The following VSTM5 variants were observed in gnomAD, a reference collection of about 807,000 sequenced individuals.
VSTM5 encodes the protein V-set and transmembrane domain containing 5, also known as V-set and transmembrane domain-containing protein 5.
A neutral mutation model predicts 20.3 loss-of-function variants in VSTM5; 21 were observed. The observed-to-expected ratio is 1.03, with a 90% CI of 0.73 to 1.49. The LOEUF is 1.49. VSTM5 is among the 40% of genes most tolerant of loss of function. The pLI is 0.00. For missense variants in VSTM5, 219 were observed against 250.0 expected, an observed-to-expected ratio of 0.88 and a Z score of 0.84; for synonymous variants, 100 against 102.5, an observed-to-expected ratio of 0.98 and a Z score of 0.14.
intron 1 of VSTM5, among the ~76,000 whole-genome samples, chr11:93,824,224 AT>A (rs1008313218): frequency 4.0e-4 from 61 of 152,050 alleles, no homozygotes; most frequent in African/African-American, 1.4e-3. Flanking sequence ...TCTATTTTTA[AT>A]TTTTTTGAGG....
Position 93,847,233 on chromosome 11 carries a change from T to C in VSTM5, c.91+3179A>G, listed in dbSNP as rs567027190. Reference sequence around the variant, plus strand: ...GATCAGTGCACGGCCCACGGCAACATAGTAGGTGCTTCTAAGATGTTTGCC... The same window carrying C: ...GATCAGTGCACGGCCCACGGCAACACAGTAGGTGCTTCTAAGATGTTTGCC... On this transcript the variant is annotated intron_variant, in intron 1 of 3. Transcript: ENST00000409977. Among the ~76,000 whole-genome samples the C allele has an allele frequency of 3.3e-5, 5 of 152,322 alleles. No homozygotes were observed. In the East Asian group the frequency reaches 9.6e-4, roughly 29 times the overall value.
intron 1 of VSTM5, among the ~76,000 whole-genome samples, chr11:93,838,455 T>A: frequency 7.0e-6 from 1 of 142,734 alleles, no homozygotes. Flanking sequence ...CTGGGCGACA[T>A]AGCCAGACTC....
At chr11:93,838,902 A>T (rs1450229040) in intron 1 of VSTM5, among the ~76,000 whole-genome samples, 1 of 152,258 alleles carries the variant, frequency 6.6e-6, no homozygotes, top group African/African-American at 2.4e-5. Flanking sequence ...AAGAGAATTC[A>T]GTCTCCTTCC....
At chr11:93,837,022 C>CACACAT (rs1214799850) in intron 1 of VSTM5, among the ~76,000 whole-genome samples, 2 of 150,746 alleles carry the variant, frequency 1.3e-5, no homozygotes, top group Non-Finnish European at 3.0e-5. Context: ...CACACACACA[C>CACACAT]ACACACACAC....
At chr11:93,844,868 C>T (rs2135740182) in intron 1 of VSTM5, among the ~76,000 whole-genome samples, 1 of 66,722 alleles carries the variant, frequency 1.5e-5, no homozygotes, top group Admixed American at 1.3e-4. Context: ...CAAGCTGTTC[C>T]AGGCACAGTG....
chr11:93,827,120 A>C (rs1944244886), intron 1 of VSTM5, among the ~76,000 whole-genome samples: 1 of 152,232 alleles, frequency 6.6e-6, no homozygotes, highest in South Asian at 2.1e-4. Flanking sequence ...ACGGTGGCTC[A>C]TGCCTGTAAT....
chr11:93,833,924 G>A (rs1168689342), intron 1 of VSTM5, among the ~76,000 whole-genome samples: 1 of 151,752 alleles, frequency 6.6e-6, no homozygotes, highest in Non-Finnish European at 1.5e-5. Flanking sequence ...TCCTCCCCTT[G>A]GCCTCATCAG....
chr11:93,846,162 C>T (rs1336566307), intron 1 of VSTM5, among the ~76,000 whole-genome samples: 1 of 146,048 alleles, frequency 6.8e-6, no homozygotes, highest in African/African-American at 2.8e-5. Flanking sequence ...AGCTTCAAAG[C>T]TATTGATTTA....
chr11:93,848,956 G>A (rs1190420089), intron 1 of VSTM5, among the ~76,000 whole-genome samples: 2 of 152,126 alleles, frequency 1.3e-5, no homozygotes, highest in African/African-American at 2.4e-5. Flanking sequence ...CCACCTGCTC[G>A]AGACTAACAA....
chr11:93,847,953 G>T (rs550668245), intron 1 of VSTM5, among the ~76,000 whole-genome samples: 1 of 152,254 alleles, frequency 6.6e-6, no homozygotes, highest in Non-Finnish European at 1.5e-5. Flanking sequence ...GGGAGGGAGA[G>T]CTCTGGTCTC....
At chr11:93,839,527 T>C (rs1487323077) in intron 1 of VSTM5, among the ~76,000 whole-genome samples, 1 of 152,232 alleles carries the variant, frequency 6.6e-6, no homozygotes, top group Admixed American at 6.5e-5. Flanking sequence ...CTGCTTTGCA[T>C]GGTTGTGAAA....
At position 93,838,546 on chromosome 11, in the gene VSTM5, C is replaced by T. The variant is rs376789206; in HGVS notation, c.91+11866G>A. Among the ~76,000 whole-genome samples the T allele has an allele frequency of 3.1e-4, 46 of 150,258 alleles. No individual in the cohort carries two copies. In the South Asian group the frequency reaches 9.7e-3, roughly 32 times the overall value. On this transcript the variant is annotated intron_variant, in intron 1 of 3. Coordinates refer to ENST00000409977, the MANE Select transcript of VSTM5 (RefSeq NM_001144871.2). ...GTGGGTCACACCTGTAATCCCAGCA[C>T]TTTGGGAGGCCGAGGTGGGCAGATC...
At chr11:93,843,458 CTGAATGAATGAA>C (rs10566414) in intron 1 of VSTM5, among the ~76,000 whole-genome samples, 10 of 151,758 alleles carry the variant, frequency 6.6e-5, no homozygotes, top group African/African-American at 1.9e-4. Flanking sequence ...TCATATGTAC[CTGAATGAATGAA>C]TGAATGAATG....
intron 1 of VSTM5, among the ~76,000 whole-genome samples, chr11:93,824,561 T>A (rs996987376): frequency 6.6e-6 from 1 of 152,220 alleles, no homozygotes; most frequent in African/African-American, 2.4e-5. Flanking sequence ...GTTTCATGTA[T>A]ATTTTGGATA....
At chr11:93,837,464 T>G (rs956667860) in intron 1 of VSTM5, among the ~76,000 whole-genome samples, 1 of 151,970 alleles carries the variant, frequency 6.6e-6, no homozygotes, top group Non-Finnish European at 1.5e-5. Flanking sequence ...TGGGGCCACA[T>G]AGGAAAGTAA....
intron 1 of VSTM5, among the ~76,000 whole-genome samples, chr11:93,827,047 G>A (rs920759549): frequency 3.9e-5 from 6 of 152,110 alleles, no homozygotes; most frequent in South Asian, 2.1e-4. Flanking sequence ...GGAACAAAGC[G>A]GTTTCTCCTT....
chr11:93,847,524 TGGG>T (rs1944423911), intron 1 of VSTM5, among the ~76,000 whole-genome samples: 1 of 152,194 alleles, frequency 6.6e-6, no homozygotes, highest in Non-Finnish European at 1.5e-5. Flanking sequence ...GTGTGTGTGT[TGGG>T]GGAGCTGACT....
chr11:93,847,556 T>C (rs772210930), intron 1 of VSTM5, among the ~76,000 whole-genome samples: 2 of 152,206 alleles, frequency 1.3e-5, no homozygotes, highest in Admixed American at 6.5e-5. Flanking sequence ...GAAACTGGGA[T>C]TGGAAAAAAG....
intron 1 of VSTM5, among the ~76,000 whole-genome samples, chr11:93,840,594 T>A (rs546000821): frequency 1.4e-4 from 21 of 152,346 alleles, no homozygotes; most frequent in Middle Eastern, 3.4e-3. Flanking sequence ...TGTATCTGGC[T>A]AGTCCTATTT....
Sources: gnomAD v4.1 joint callset for allele counts (sites outside exome capture counted in the v4.1 genomes callset) on GRCh38, gnomAD v4.1.1 for gene constraint, MANE v1.5 for transcripts, NCBI Gene and HGNC (gene_info 2026-07-23, HGNC 2026-07-21) for gene names.